FHIT: variants seen among roughly 807,000 people sequenced by gnomAD.
FHIT encodes bis(5'-adenosyl)-triphosphatase.
Under a neutral mutation model 17.9 loss-of-function variants are expected in FHIT, and 19 were observed. The observed-to-expected ratio is 1.06, with a 90% CI of 0.74 to 1.56. FHIT has a LOEUF of 1.56. FHIT is among the 40% of genes most tolerant of loss of function. The probability of loss-of-function intolerance (pLI) is 0.00; values close to 1 mark genes in which losing one functional copy is unlikely to be tolerated. For synonymous variants in FHIT, 81 were observed against 69.7 expected (o/e 1.16, Z -0.81); for missense variants, 248 against 189.2 (o/e 1.31, Z -1.82).
chr3:60,341,826 T>C (rs141657549), intron 5 of FHIT, among the ~76,000 whole-genome samples: 217 of 152,192 alleles, frequency 1.4e-3, no homozygotes, highest in African/African-American at 5.0e-3. Context: ...ACCAGGGAAA[T>C]ATTCGCACCG....
At chr3:60,993,337 G>A (rs1306004867) in intron 3 of FHIT, among the ~76,000 whole-genome samples, 1 of 152,146 alleles carries the variant, frequency 6.6e-6, no homozygotes. Flanking sequence ...TTTCATTCCG[G>A]ATTCAGACTG....
intron 4 of FHIT, among the ~76,000 whole-genome samples, chr3:60,604,376 C>G (rs1338920719): frequency 2.6e-5 from 4 of 152,134 alleles, no homozygotes; most frequent in African/African-American, 9.7e-5. Flanking sequence ...ATAATGAGAT[C>G]AAATCATATG....
intron 2 of FHIT, among the ~76,000 whole-genome samples, chr3:61,173,511 G>C (rs2038070952): frequency 1.3e-5 from 2 of 152,124 alleles, no homozygotes; most frequent in South Asian, 4.1e-4. Flanking sequence ...ATCTCTGAAG[G>C]ATAGCATTTC....
intron 2 of FHIT, among the ~76,000 whole-genome samples, chr3:61,141,511 C>T (rs1007792006): frequency 6.6e-6 from 1 of 151,766 alleles, no homozygotes; most frequent in African/African-American, 2.4e-5. Context: ...ATATTTGATC[C>T]GTTCATTTGA....
chr3:59,960,334 C>A (rs1297929061), intron 7 of FHIT, among the ~76,000 whole-genome samples: 2 of 152,152 alleles, frequency 1.3e-5, no homozygotes, highest in African/African-American at 4.8e-5. Context: ...GGGGTAAAAT[C>A]TAAAGCACTT....
At position 60,206,528 on chromosome 3, in the gene FHIT, C is replaced by G. The variant is rs533836296; in HGVS notation, c.104-192376G>C. Among the ~76,000 whole-genome samples, 3 of 152,164 alleles carry G rather than the reference C, an allele frequency of 2.0e-5. No homozygotes were observed. The South Asian group carries it at 6.2e-4, about 32-fold the overall frequency. On this transcript the variant is annotated intron_variant, in intron 5 of 9. Coordinates refer to ENST00000492590, the MANE Select transcript of FHIT (RefSeq NM_002012.4). Reference sequence around the variant, plus strand: ...AACATGCCAGAAAAAAAACACAAGACTATAAGAATTAAACCTAATGCATCA... The same window carrying G: ...AACATGCCAGAAAAAAAACACAAGAGTATAAGAATTAAACCTAATGCATCA...
intron 5 of FHIT, among the ~76,000 whole-genome samples, chr3:60,224,143 A>G (rs141232375): frequency 1.6e-3 from 241 of 152,272 alleles, no homozygotes; most frequent in African/African-American, 5.5e-3. Flanking sequence ...AAAAACAAAC[A>G]AAAACGAGCA....
At chr3:60,543,143 A>G (rs2121855) in intron 4 of FHIT, among the ~76,000 whole-genome samples, 151,992 of 152,298 alleles carry the variant, frequency 1, 75,843 homozygotes, top group Middle Eastern at 1. Context: ...AGGCCACACA[A>G]TGTCTGTTGC....
chr3:60,173,915 A>ATATATATTTTTTTTTTTT, intron 5 of FHIT, among the ~76,000 whole-genome samples: 3 of 66,442 alleles, frequency 4.5e-5, no homozygotes, highest in Non-Finnish European at 8.3e-5. Context: ...ATATATATAT[A>ATATATATTTTTTTTTTTT]TGTTTTTTTT....
At position 59,986,773 on chromosome 3, in the gene FHIT, AATATATAAATATAT is replaced by A. The variant is rs1708978525; in HGVS notation, c.279+24584_279+24597del. On this transcript the variant is annotated intron_variant, in intron 7 of 9. Transcript: ENST00000492590. The stretch of plus-strand genomic sequence containing the variant: ...ATATATATATAAATATATTTATATA[AATATATAAATATAT>A]ATATATAAATATATTTTGTATTATA... 3.7e-4 allele frequency among the ~76,000 whole-genome samples: 2 copies of A among 5,340 alleles called. 1 individual carries two copies. Among genetic ancestry groups the A allele is most frequent in the Non-Finnish European group, 5.5e-4 (2 of 3,604 alleles). The allele number at this position is 5,340 out of a possible 152,430, so 3.5% of individuals were successfully genotyped here.
At chr3:60,061,718 A>G (rs1391707453) in intron 5 of FHIT, among the ~76,000 whole-genome samples, 1 of 152,204 alleles carries the variant, frequency 6.6e-6, no homozygotes, top group East Asian at 1.9e-4. Flanking sequence ...CATTAATTTT[A>G]AACAAACATT....
chr3:60,253,739 C>G (rs1207876300), intron 5 of FHIT, among the ~76,000 whole-genome samples: 1 of 152,158 alleles, frequency 6.6e-6, no homozygotes, highest in African/African-American at 2.4e-5. Flanking sequence ...ACTAATCCAC[C>G]TTCTTATCAG....
At chr3:60,858,548 T>C (rs1703480078) in intron 3 of FHIT, among the ~76,000 whole-genome samples, 1 of 152,210 alleles carries the variant, frequency 6.6e-6, no homozygotes, top group South Asian at 2.1e-4. Flanking sequence ...TCTACCAGTG[T>C]GGCCTTTTAT....
intron 4 of FHIT, among the ~76,000 whole-genome samples, chr3:60,612,012 C>A (rs2038800340): frequency 2.0e-5 from 3 of 152,140 alleles, no homozygotes; most frequent in Admixed American, 2.0e-4. Context: ...ATGTCCCATT[C>A]CTCACCTAGC....
intron 5 of FHIT, among the ~76,000 whole-genome samples, chr3:60,479,128 G>A (rs568890138): frequency 3.1e-4 from 47 of 152,296 alleles, no homozygotes; most frequent in African/African-American, 1.1e-3. Context: ...TGGTTCAGAC[G>A]TGCCTTTCTC....
chr3:60,547,859 C>T (rs982631416), intron 4 of FHIT, among the ~76,000 whole-genome samples: 4 of 152,068 alleles, frequency 2.6e-5, no homozygotes, highest in Non-Finnish European at 5.9e-5. Flanking sequence ...TTCAGTGACA[C>T]AAAAGCAAAT....
intron 5 of FHIT, among the ~76,000 whole-genome samples, chr3:60,331,099 C>A (rs547359387): frequency 6.6e-6 from 1 of 152,254 alleles, no homozygotes; most frequent in Admixed American, 6.5e-5. Flanking sequence ...GTCCAACTCA[C>A]CTACTGCCAC....
intron 3 of FHIT, among the ~76,000 whole-genome samples, chr3:60,870,115 C>T (rs568461671): frequency 4.7e-4 from 72 of 152,234 alleles, no homozygotes; most frequent in African/African-American, 1.7e-3. Context: ...CATATAAATT[C>T]ACCTTGCTGC....
intron 3 of FHIT, among the ~76,000 whole-genome samples, chr3:60,850,958 C>A (rs1703130839): frequency 6.6e-6 from 1 of 152,028 alleles, no homozygotes; most frequent in South Asian, 2.1e-4. Context: ...CTTTCTTACC[C>A]ACAGGGATGG....
Sources: allele counts gnomAD v4.1 joint callset (sites outside exome capture counted in the v4.1 genomes callset), GRCh38; gene constraint gnomAD v4.1.1; transcripts MANE v1.5; gene names NCBI Gene and HGNC (gene_info 2026-07-23, HGNC 2026-07-21).